Variants in VWF observed in about 807,000 individuals in gnomAD.
VWF encodes the protein Factor VIII related antigen.
A neutral mutation model predicts 308.6 loss-of-function variants in VWF; 176 were observed. The ratio of observed to expected loss-of-function variants is 0.57; its 90% CI spans 0.50 to 0.65. VWF has a LOEUF of 0.65. VWF is among the 30% of genes least tolerant of loss of function. The pLI is 0.00. For missense variants in VWF, 3,146 were observed against 3,648.2 expected (o/e 0.86, Z 3.55); for synonymous variants, 1,385 against 1,443.4 (o/e 0.96, Z 0.92).
At chr12:6,023,130 C>G (rs903974085) in intron 25 of VWF, among the ~76,000 whole-genome samples, 2 of 152,078 alleles carry the variant, frequency 1.3e-5, no homozygotes, top group African/African-American at 4.8e-5. Flanking sequence ...CTATGTTGCC[C>G]AGGCTGGTCT....
At chr12:6,117,614 G>C (rs1057296156) in intron 3 of VWF, among the ~76,000 whole-genome samples, 2 of 152,166 alleles carry the variant, frequency 1.3e-5, no homozygotes, top group Admixed American at 1.3e-4. Context: ...TCGGGAGTTC[G>C]AGACCAGCCT....
chr12:5,949,691 TTTTCCAGATCCTTCTAGA>T, intron 51 of VWF, 77 bp downstream of exon 51: 1 of 1,307,854 alleles, frequency 7.6e-7, no homozygotes, highest in Non-Finnish European at 1.1e-6. Context: ...TCCCTGCGAA[TTTTCCAGATCCTTCTAGA>T]ATGTAACTAA....
chr12:6,110,901 C>T lies in VWF; in HGVS notation c.288G>A (p.Leu96=), dbSNP rs775556852. 1.9e-5 allele frequency: 31 copies of T among 1,614,022 alleles called. No homozygotes were observed. Among genetic ancestry groups the T allele is most frequent in the Admixed American group, 1.3e-4 (8 of 59,994 alleles). ...VYLGEFFDIH[L]FVNGTVTQGD... ...CCTGTGTCACGGTACCATTGACAAA[C>T]AAATGGATGTCAAAAAATTCCCCAA... The change falls in exon 4 of 52, where the codon TTG becomes TTA. Residue 96 remains leucine, a synonymous_variant. Coordinates refer to ENST00000261405, the MANE Select transcript of VWF (RefSeq NM_000552.5).
At position 6,052,754 on chromosome 12, in the gene VWF, G is replaced by C. The variant is rs1453727896; in HGVS notation, c.1975C>G (p.Leu659Val). Residue 659 changes from leucine to valine, a missense_variant, in exon 16 of 52, where the codon CTG becomes GTG. Leu to Val is a conservative substitution (Grantham distance 32, BLOSUM62 1). This residue lies in a region of VWF where 1,304 missense variants were observed against 1,353.0 expected (regional missense o/e 0.96). Transcript: ENST00000261405. Reference sequence around the variant, plus strand: ...AGGTTGCAGGGGGTCCCGCACTGCAGGTACACCTGGCCTTTCGGGCAGTTC... The same window carrying C: ...AGGTTGCAGGGGGTCCCGCACTGCACGTACACCTGGCCTTTCGGGCAGTTC... ...ELNCPKGQVY[L>V]QCGTPCNLTC... The C allele has an allele frequency of 6.2e-7, 1 of 1,613,578 alleles. No individual in the cohort carries two copies. Among genetic ancestry groups the C allele is most frequent in the Non-Finnish European group, 8.5e-7 (1 of 1,179,804 alleles).
intron 38 of VWF, among the ~76,000 whole-genome samples, chr12:5,990,573 G>A (rs1018551629): frequency 2.6e-5 from 4 of 152,106 alleles, no homozygotes; most frequent in Admixed American, 6.5e-5. Flanking sequence ...CCTCCTTGGC[G>A]ATGAAGACAT....
chr12:6,028,303 T>G (rs1374950153), intron 22 of VWF, among the ~76,000 whole-genome samples: 1 of 152,200 alleles, frequency 6.6e-6, no homozygotes, highest in Non-Finnish European at 1.5e-5. Context: ...CACCCTAGAA[T>G]AGTCTGCAGT....
At chr12:5,981,651 G>A in intron 42 of VWF, 135 bp downstream of exon 42, 1 of 1,024,926 alleles carries the variant, frequency 9.8e-7, no homozygotes, top group Non-Finnish European at 1.5e-6. Context: ...TCTTCCATGA[G>A]GAGCACATGT....
chr12:5,984,134 T>C (rs11063971), intron 40 of VWF, among the ~76,000 whole-genome samples: 11,451 of 152,234 alleles, frequency 0.075, 623 homozygotes, highest in East Asian at 0.25. Context: ...GACCTGTTTC[T>C]TCTTCTGGAA....
chr12:6,047,210 C>T (rs899099296), intron 16 of VWF, among the ~76,000 whole-genome samples: 5 of 152,170 alleles, frequency 3.3e-5, no homozygotes, highest in Admixed American at 6.5e-5. Flanking sequence ...CTCCTCTTCT[C>T]ACACTCTGCT....
intron 19 of VWF, among the ~76,000 whole-genome samples, chr12:6,035,939 C>G (rs1048326691): frequency 6.6e-6 from 1 of 152,168 alleles, no homozygotes; most frequent in South Asian, 2.1e-4. Flanking sequence ...TTGTTTCATG[C>G]ACAAACATTA....
chr12:6,122,662 A>C, intron 2 of VWF: 1 of 439,674 alleles, frequency 2.3e-6, no homozygotes, highest in South Asian at 1.7e-5. Flanking sequence ...TTAGCAAGGG[A>C]AGGGCAGCAG....
intron 10 of VWF, among the ~76,000 whole-genome samples, chr12:6,071,069 G>A (rs772363643): frequency 1.3e-5 from 2 of 152,206 alleles, no homozygotes; most frequent in Admixed American, 6.5e-5. Flanking sequence ...CTGAACGCAG[G>A]TGCATTCTCC....
intron 34 of VWF, among the ~76,000 whole-genome samples, chr12:6,001,034 A>AAAGTTAGAAT (rs1487111532): frequency 1.6e-4 from 24 of 152,156 alleles, no homozygotes; most frequent in Admixed American, 3.9e-4. Context: ...GGGAACAAGA[A>AAAGTTAGAAT]AAGTTAGAAT....
intron 47 of VWF, among the ~76,000 whole-genome samples, chr12:5,964,219 AATACATAC>A (rs746364619): frequency 1.4e-3 from 164 of 118,226 alleles, no homozygotes; most frequent in Admixed American, 1.6e-3. Flanking sequence ...TCTGTCTAAA[AATACATAC>A]ATACATACAT....
chr12:5,992,950 C>A (rs1041252144), intron 37 of VWF, among the ~76,000 whole-genome samples: 1 of 152,302 alleles, frequency 6.6e-6, no homozygotes, highest in Admixed American at 6.5e-5. Flanking sequence ...CACATGGCCT[C>A]AGAAAATCAG....
At chr12:6,117,304 T>C (rs1057328692) in intron 3 of VWF, among the ~76,000 whole-genome samples, 27 of 152,308 alleles carry the variant, frequency 1.8e-4, no homozygotes, top group Admixed American at 2.0e-4. Flanking sequence ...AATTCCTCTG[T>C]GACCACTGAA....
rs1944604398 is a variant in VWF at position 6,057,777 on chromosome 12, CG to C, written c.1729+71del. The C allele has an allele frequency of 1.7e-5, 25 of 1,498,560 alleles. 1 individual carries two copies. In the South Asian group the frequency reaches 3.2e-4, roughly 19 times the overall value. The allele number at this position is 1,498,560 out of a possible 1,614,324, so 92.8% of individuals were successfully genotyped here. A position where few individuals can be genotyped will look rare whatever the true frequency, so the allele number is the denominator to read the frequency against. ...CCCTCCGCGGTGGGAGCACTGCCTC[CG>C]GAACGCACTGCACTAATGTGGAGAC... On this transcript the variant is annotated intron_variant, in intron 14 of 51. Transcript: ENST00000261405.
intron 3 of VWF, among the ~76,000 whole-genome samples, chr12:6,116,808 T>A (rs1275730694): frequency 1.3e-5 from 2 of 152,210 alleles, no homozygotes; most frequent in African/African-American, 4.8e-5. Flanking sequence ...ATAAACACTT[T>A]TCCCAGGATA....
chr12:6,113,694 T>A (rs1400527013), intron 3 of VWF, among the ~76,000 whole-genome samples: 1 of 152,250 alleles, frequency 6.6e-6, no homozygotes, highest in East Asian at 1.9e-4. Flanking sequence ...TCTGTATGTT[T>A]CAAAATTTCC....
Sources: gnomAD v4.1 joint callset for allele counts (sites outside exome capture counted in the v4.1 genomes callset) on GRCh38, gnomAD v4.1.1 for gene constraint, gnomAD v4.1.1 regional missense constraint, MANE v1.5 for transcripts, NCBI Gene and HGNC (gene_info 2026-07-23, HGNC 2026-07-21) for gene names.